Variants in PXDNL observed in about 807,000 individuals in gnomAD.
The protein encoded by PXDNL is peroxidasin like, also known as probable oxidoreductase PXDNL.
Under a neutral mutation model 150.8 loss-of-function variants are expected in PXDNL, and 145 were observed. The ratio of observed to expected loss-of-function variants is 0.96; its 90% CI spans 0.84 to 1.10. PXDNL has a LOEUF of 1.10. PXDNL is among the 50% of genes least tolerant of loss of function. The pLI is 0.00. For missense variants in PXDNL, 2,087 were observed against 1,873.9 expected, an observed-to-expected ratio of 1.11 and a Z score of -2.10; for synonymous variants, 757 against 725.7, an observed-to-expected ratio of 1.04 and a Z score of -0.69.
intron 2 of PXDNL, among the ~76,000 whole-genome samples, chr8:51,621,894 A>C (rs755662723): frequency 2.0e-5 from 3 of 150,766 alleles, no homozygotes; most frequent in Non-Finnish European, 4.4e-5. Context: ...CAGTGACCCA[A>C]GATCATGCCA....
chr8:51,333,675 C>A (rs1328882293), intron 21 of PXDNL, among the ~76,000 whole-genome samples: 2 of 151,720 alleles, frequency 1.3e-5, no homozygotes, highest in South Asian at 4.2e-4. Flanking sequence ...AAAATAGACA[C>A]CCAGACAAAA....
At chr8:51,641,872 C>T (rs1488745444) in intron 2 of PXDNL, among the ~76,000 whole-genome samples, 12 of 152,014 alleles carry the variant, frequency 7.9e-5, no homozygotes, top group African/African-American at 2.7e-4. Context: ...ACCAAAAGGA[C>T]TATAAATCAT....
At chr8:51,685,693 AGCACT>A (rs1815858285) in intron 1 of PXDNL, among the ~76,000 whole-genome samples, 1 of 152,240 alleles carries the variant, frequency 6.6e-6, no homozygotes, top group Admixed American at 6.5e-5. Context: ...TTGGCTTCAA[AGCACT>A]CATCAAATCT....
intron 5 of PXDNL, among the ~76,000 whole-genome samples, 168 bp downstream of exon 5, chr8:51,499,531 T>C (rs75776946): frequency 1.3e-5 from 2 of 152,214 alleles, no homozygotes; most frequent in Non-Finnish European, 2.9e-5. Flanking sequence ...TCTCCATTGA[T>C]CTTAAAGTAT....
intron 17 of PXDNL, among the ~76,000 whole-genome samples, chr8:51,395,395 T>C (rs894210143): frequency 6.6e-6 from 1 of 152,192 alleles, no homozygotes; most frequent in Non-Finnish European, 1.5e-5. Context: ...CCTCAAATTC[T>C]GGTTTATAAC....
intron 5 of PXDNL, among the ~76,000 whole-genome samples, chr8:51,497,188 G>A (rs1264893148): frequency 1.3e-5 from 2 of 152,092 alleles, no homozygotes; most frequent in Non-Finnish European, 2.9e-5. Flanking sequence ...ATAGGGAAAG[G>A]ATTCCCTATT....
chr8:51,546,058 T>C (rs149689006), intron 4 of PXDNL, among the ~76,000 whole-genome samples: 4 of 152,220 alleles, frequency 2.6e-5, no homozygotes, highest in African/African-American at 9.6e-5. Flanking sequence ...AAGACTTACA[T>C]TGTGAACTCT....
In PXDNL at chr8:51,383,323, C is replaced by G. The variant is rs190403951; in HGVS notation, c.3558-8592G>C. Among the ~76,000 whole-genome samples, 405 of 152,294 alleles carry G rather than the reference C, an allele frequency of 2.7e-3. 5 individuals carry two copies. The highest frequency in any genetic ancestry group is 9.3e-3 in the African/African-American group (387 of 41,542). ...CATTTCACTTGTCAACTTTCGCCCC[C>G]AAACCATTTGTTCCATATCTTAAAA... is the stretch of plus-strand genomic sequence containing the variant. On this transcript the variant is annotated intron_variant, in intron 17 of 22. Coordinates refer to ENST00000356297, the MANE Select transcript of PXDNL (RefSeq NM_144651.5).
intron 4 of PXDNL, among the ~76,000 whole-genome samples, chr8:51,534,359 G>C (rs1251930516): frequency 7.8e-4 from 115 of 147,426 alleles, no homozygotes; most frequent in African/African-American, 2.8e-3. Flanking sequence ...AGGTGGGGGG[G>C]GGTCAGCCCC....
At chr8:51,379,887 C>A (rs1027711426) in intron 17 of PXDNL, among the ~76,000 whole-genome samples, 1 of 151,974 alleles carries the variant, frequency 6.6e-6, no homozygotes, top group East Asian at 1.9e-4. Flanking sequence ...CACTTGGTAC[C>A]GCACCACTTA....
intron 22 of PXDNL, among the ~76,000 whole-genome samples, chr8:51,320,339 G>A (rs541734637): frequency 2.6e-5 from 4 of 152,246 alleles, no homozygotes; most frequent in Admixed American, 2.6e-4. Context: ...ACTAAATAAC[G>A]AATACAGAGC....
chr8:51,688,791 G>C (rs907867994), intron 1 of PXDNL, among the ~76,000 whole-genome samples: 1 of 152,090 alleles, frequency 6.6e-6, no homozygotes, highest in Non-Finnish European at 1.5e-5. Context: ...ATAAAGGAGG[G>C]CATGCATATT....
intron 5 of PXDNL, among the ~76,000 whole-genome samples, chr8:51,495,448 A>G (rs1309041074): frequency 1.3e-5 from 2 of 152,164 alleles, no homozygotes; most frequent in African/African-American, 4.8e-5. Context: ...AATTGAAGGA[A>G]ATAGAGACAC....
In PXDNL at chr8:51,453,895, C is replaced by T. The variant is rs1236604290; in HGVS notation, c.983-110G>A. On this transcript the variant is annotated intron_variant, in intron 9 of 22. Transcript: ENST00000356297. ...TTGTCATTTTCAAAATTCCTTTAAACTAAAATATTACACATATATATATAT... is the reference window on the plus strand; with the variant it reads ...TTGTCATTTTCAAAATTCCTTTAAATTAAAATATTACACATATATATATAT... 4 of 1,062,464 alleles carry T rather than the reference C, an allele frequency of 3.8e-6. No homozygotes were observed. In the East Asian group the frequency reaches 7.6e-5, roughly 20 times the overall value. The allele number at this position is 1,062,464 out of a possible 1,614,324, so 65.8% of individuals were successfully genotyped here.
intron 6 of PXDNL, among the ~76,000 whole-genome samples, chr8:51,476,000 G>A (rs1810466398): frequency 6.6e-6 from 1 of 152,174 alleles, no homozygotes; most frequent in African/African-American, 2.4e-5. Context: ...GGGAGGCTGA[G>A]GTGGGAGAAT....
intron 3 of PXDNL, among the ~76,000 whole-genome samples, chr8:51,591,935 T>TC (rs1813453387): frequency 1.3e-5 from 2 of 152,156 alleles, no homozygotes; most frequent in Admixed American, 1.3e-4. Context: ...TGCCTTAACA[T>TC]TTTTTTAAAA....
At chr8:51,604,061 T>C (rs1335079568) in intron 2 of PXDNL, among the ~76,000 whole-genome samples, 1 of 152,192 alleles carries the variant, frequency 6.6e-6, no homozygotes, top group African/African-American at 2.4e-5. Context: ...TCCAAAATTA[T>C]AATAAAATTA....
intron 1 of PXDNL, among the ~76,000 whole-genome samples, chr8:51,704,676 A>G (rs1366330524): frequency 6.6e-6 from 1 of 152,226 alleles, no homozygotes. Context: ...GCCAATGTGG[A>G]GGATGTGAAA....
chr8:51,795,744 C>A (rs2037553686), intron 1 of PXDNL, among the ~76,000 whole-genome samples: 1 of 152,200 alleles, frequency 6.6e-6, no homozygotes. Flanking sequence ...ATAAAGTACA[C>A]TGACACACAG....
Sources: allele counts gnomAD v4.1 joint callset (sites outside exome capture counted in the v4.1 genomes callset), GRCh38; gene constraint gnomAD v4.1.1; transcripts MANE v1.5; gene names NCBI Gene and HGNC (gene_info 2026-07-23, HGNC 2026-07-21).